The following ANKRD27 variants were observed in gnomAD, a reference collection of about 807,000 sequenced individuals.
The protein encoded by ANKRD27 is ankyrin repeat domain-containing protein 27.
ANKRD27 carries 112 observed loss-of-function variants against 129.7 expected under a neutral mutation model. The ratio of observed to expected loss-of-function variants is 0.86; its 90% CI spans 0.74 to 1.01. The LOEUF (loss-of-function observed/expected upper bound fraction) is 1.01, where lower values mean the gene tolerates loss of function less well. Ranked by LOEUF, ANKRD27 falls within the 50% of genes least tolerant of loss-of-function variation. The probability of loss-of-function intolerance (pLI) is 0.00; values close to 1 mark genes in which losing one functional copy is unlikely to be tolerated. For missense variants in ANKRD27, 1,258 were observed against 1,300.5 expected (o/e 0.97, Z 0.50); for synonymous variants, 516 against 511.2 (o/e 1.01, Z -0.13).
chr19:32,599,633 T>G (rs1431621788), intron 28 of ANKRD27, 71 bp downstream of exon 28: 3 of 1,384,594 alleles, frequency 2.2e-6, no homozygotes, highest in Non-Finnish European at 3.0e-6. Flanking sequence ...GGAGACGTGT[T>G]TACCATGGAT....
rs186840479 is a variant in ANKRD27, at chr19:32,642,921, G to A, written c.782+202C>T. 2.4e-3 allele frequency: 1,425 copies of A among 603,876 alleles called. 4 individuals are homozygous for A. The highest frequency in any genetic ancestry group is 3.7e-3 in the Non-Finnish European group (1,258 of 343,546). The allele number at this position is 603,876 out of a possible 1,614,324, so 37.4% of individuals were successfully genotyped here. A position where few individuals can be genotyped will look rare whatever the true frequency, so the allele number is the denominator to read the frequency against. On this transcript the variant is annotated intron_variant, in intron 9 of 28. Coordinates refer to ENST00000306065, the MANE Select transcript of ANKRD27 (RefSeq NM_032139.3). Reference sequence around the variant, plus strand: ...CGGCTCCCATCCAGCTGGCGTGCTGGTGCAGTGTGGGAGGGGGACGGCCAC... The same window carrying A: ...CGGCTCCCATCCAGCTGGCGTGCTGATGCAGTGTGGGAGGGGGACGGCCAC...
chr19:32,646,337 G>T lies in ANKRD27; in HGVS notation c.370+122C>A, dbSNP rs569726255. On this transcript the variant is annotated intron_variant, in intron 4 of 28. Coordinates refer to ENST00000306065, the MANE Select transcript of ANKRD27 (RefSeq NM_032139.3). ...TTGTGCCTCGGCCTCCCAAAGTGCA[G>T]GGATTACAGGCGCGAGCCACCATAC... The T allele has an allele frequency of 3.9e-5, 37 of 954,594 alleles. No individual in the cohort carries two copies. In the African/African-American group the frequency reaches 5.4e-4, roughly 14 times the overall value. 59.1% of individuals were successfully genotyped at this position (954,594 alleles called of 1,614,324 possible).
In ANKRD27 at chr19:32,598,004, A is replaced by T. The variant is rs1971594339; in HGVS notation, c.*141T>A. Reference sequence around the variant, plus strand: ...TTGTTGCATTCTTTCCTGCCACAGAAAAGCTTTCAGGAACTTGGTGCTGAA... The same window carrying T: ...TTGTTGCATTCTTTCCTGCCACAGATAAGCTTTCAGGAACTTGGTGCTGAA... On this transcript the variant is annotated 3_prime_UTR_variant, in exon 29 of 29. Transcript: ENST00000306065. 4.2e-6 allele frequency: 3 copies of T among 718,542 alleles called. No individual in the cohort carries two copies. The Admixed American group carries it at 8.4e-5, about 20-fold the overall frequency. The allele number at this position is 718,542 out of a possible 1,614,324, so 44.5% of individuals were successfully genotyped here.
At position 32,656,103 on chromosome 19, in the gene ANKRD27, G is replaced by GAAAGAAAGAAAAGA. The variant is rs1555747136; in HGVS notation, c.102+2810_102+2811insTCTTTTCTTTCTTT. ...AGAAAGAAAGAAAGAAAGAAAGAAA[G>GAAAGAAAGAAAAGA]AAAGAAAAGAAAAGAAAAGAAAAGA... is the stretch of plus-strand genomic sequence containing the variant. On this transcript the variant is annotated intron_variant, in intron 2 of 28. Transcript: ENST00000306065. Among the ~76,000 whole-genome samples the GAAAGAAAGAAAAGA allele has an allele frequency of 1.5e-3, 179 of 123,410 alleles. 2 individuals are homozygous for GAAAGAAAGAAAAGA. The highest frequency in any genetic ancestry group is 4.4e-3 in the Middle Eastern group (1 of 228). The allele number at this position is 123,410 out of a possible 152,430, so 81.0% of individuals were successfully genotyped here.
chr19:32,613,331 T>A (rs1341776825), intron 22 of ANKRD27, among the ~76,000 whole-genome samples: 1 of 152,190 alleles, frequency 6.6e-6, no homozygotes, highest in Non-Finnish European at 1.5e-5. Context: ...CTGGTGGGCA[T>A]GTAAAATGAT....
chr19:32,599,936 C>T, intron 27 of ANKRD27, 36 bp downstream of exon 27: 1 of 1,582,220 alleles, frequency 6.3e-7, no homozygotes, highest in African/African-American at 1.3e-5. Context: ...AAACTAGGGG[C>T]AAAAGCACAG....
chr19:32,672,194 G>A (rs999122531), intron 1 of ANKRD27, among the ~76,000 whole-genome samples: 1 of 152,224 alleles, frequency 6.6e-6, no homozygotes, highest in African/African-American at 2.4e-5. Context: ...CTTCCCAACA[G>A]ATAAGCAGTA....
rs138536300 is a variant in ANKRD27 at position 32,622,438 on chromosome 19, C to T, written c.1811G>A (p.Cys604Tyr). The T allele has an allele frequency of 4.8e-5, 77 of 1,613,706 alleles. No homozygotes were observed. The highest frequency in any genetic ancestry group is 3.3e-4 in the African/African-American group (25 of 74,940). The stretch of plus-strand genomic sequence containing the variant: ...AAGAGCTACCTTTGAGTTTAATGCA[C>T]ACTTGAGGGGCGTCTCCTTCAGTCT... ...QNRLKETPLK[C>Y]ALNSKILSVM... The change falls in exon 18 of 29, where the codon TGT (cysteine) becomes TAT (tyrosine). Residue 604 changes from cysteine (C) to tyrosine (Y), a missense_variant. By Grantham distance (194) the Cys-to-Tyr change is radical. Transcript: ENST00000306065.
chr19:32,610,951 A>G (rs1417122803), intron 22 of ANKRD27, among the ~76,000 whole-genome samples: 5 of 152,156 alleles, frequency 3.3e-5, no homozygotes, highest in Non-Finnish European at 5.9e-5. Context: ...ACTGCACTCC[A>G]GCCTGGGTGA....
intron 21 of ANKRD27, among the ~76,000 whole-genome samples, chr19:32,616,915 T>C (rs1043560161): frequency 1.3e-5 from 2 of 152,000 alleles, no homozygotes; most frequent in Admixed American, 1.3e-4. Context: ...GACGCTGCCC[T>C]CTCTTAAAAC....
chr19:32,673,363 T>C (rs1447236613), intron 1 of ANKRD27: 16 of 985,254 alleles, frequency 1.6e-5, no homozygotes, highest in Non-Finnish European at 1.9e-5. Context: ...GCCTCCTGGA[T>C]CTGCCCCCTG....
At chr19:32,669,546 C>A (rs1967826372) in intron 1 of ANKRD27, among the ~76,000 whole-genome samples, 1 of 152,088 alleles carries the variant, frequency 6.6e-6, no homozygotes, top group Non-Finnish European at 1.5e-5. Flanking sequence ...AAACAGGATG[C>A]AATATGGTCA....
At chr19:32,656,079 G>GA (rs1555747094) in intron 2 of ANKRD27, among the ~76,000 whole-genome samples, 85 of 22,686 alleles carry the variant, frequency 3.7e-3, no homozygotes, top group African/African-American at 9.0e-3. Context: ...AAGAAAGAAA[G>GA]AAAGAAAGAA....
At chr19:32,660,064 A>C (rs1967615887) in intron 1 of ANKRD27, among the ~76,000 whole-genome samples, 1 of 152,244 alleles carries the variant, frequency 6.6e-6, no homozygotes, top group Admixed American at 6.5e-5. Context: ...GTTGGAGACC[A>C]GCCTGGACAA....
chr19:32,622,545 AG>A lies in ANKRD27; in HGVS notation c.1703del (p.Pro568LeufsTer14), dbSNP rs759111344. On this transcript the variant is annotated frameshift_variant, in exon 18 of 29. Transcript: ENST00000306065. LOFTEE classifies it high-confidence loss of function. ...LDIGNEKGDT[P>X]LHIAARWGYQ... ...AGCCCCAGCGGGCAGCAATGTGTAGAGGGGTGTCTCCTTTCTCATTGCCAAT... is the reference window on the plus strand; with the variant it reads ...AGCCCCAGCGGGCAGCAATGTGTAGAGGGTGTCTCCTTTCTCATTGCCAAT... 1.2e-6 allele frequency: 2 copies of A among 1,613,958 alleles called. No homozygotes were observed. The highest frequency in any genetic ancestry group is 2.7e-5 in the African/African-American group (2 of 74,908).
chr19:32,641,087 G>C (rs543705124), intron 10 of ANKRD27, among the ~76,000 whole-genome samples: 2 of 151,918 alleles, frequency 1.3e-5, no homozygotes, highest in South Asian at 2.1e-4. Flanking sequence ...ATTTTTAGTA[G>C]AGACAGGGTT....
rs1483655026 is a variant in ANKRD27, at chr19:32,622,522, C to A, written c.1727G>T (p.Gly576Val). The A allele has an allele frequency of 1.2e-6, 2 of 1,614,044 alleles. No homozygotes were observed. Among genetic ancestry groups the A allele is most frequent in the Admixed American group, 1.7e-5 (1 of 60,008 alleles). Residue 576 changes from glycine to valine, a missense_variant, in exon 18 of 29, where the codon GGC becomes GTC. Coordinates refer to ENST00000306065, the MANE Select transcript of ANKRD27 (RefSeq NM_032139.3). ...DTPLHIAARW[G>V]YQGVIETLLQ... is the part of the protein sequence containing the mutation. The stretch of plus-strand genomic sequence containing the variant: ...CAATGTCTCTATGACGCCTTGGTAG[C>A]CCCAGCGGGCAGCAATGTGTAGAGG...
chr19:32,639,943 G>C (rs569634246), intron 11 of ANKRD27, among the ~76,000 whole-genome samples: 78 of 152,176 alleles, frequency 5.1e-4, no homozygotes, highest in African/African-American at 1.9e-3. Context: ...AGTTACATTA[G>C]AACTACCACA....
chr19:32,639,128 G>T (rs769411418), intron 12 of ANKRD27: 30 of 564,746 alleles, frequency 5.3e-5, no homozygotes, highest in Non-Finnish European at 7.8e-5. Flanking sequence ...AATGAAGTAG[G>T]ATATTAACAA....
Sources: allele counts gnomAD v4.1 joint callset (sites outside exome capture counted in the v4.1 genomes callset), GRCh38; gene constraint gnomAD v4.1.1; transcripts MANE v1.5; gene names NCBI Gene and HGNC (gene_info 2026-07-23, HGNC 2026-07-21).